Variants in EIF3H observed in about 807,000 individuals in gnomAD.
The protein encoded by EIF3H is eukaryotic translation initiation factor 3 subunit H.
EIF3H carries 26 observed loss-of-function variants against 44.2 expected under a neutral mutation model. That is an observed-to-expected ratio of 0.59 (90% CI 0.43 to 0.82). The LOEUF (loss-of-function observed/expected upper bound fraction) is 0.82, where lower values mean the gene tolerates loss of function less well. Among genes scored for constraint, EIF3H ranks in the 40% least tolerant of loss-of-function variants. The probability of loss-of-function intolerance (pLI) is 0.00; values close to 1 mark genes in which losing one functional copy is unlikely to be tolerated. For missense variants in EIF3H, 359 were observed against 432.8 expected, an observed-to-expected ratio of 0.83 and a Z score of 1.51; for synonymous variants, 166 against 151.9, an observed-to-expected ratio of 1.09 and a Z score of -0.68.
intron 1 of EIF3H, among the ~76,000 whole-genome samples, chr8:116,743,800 ACACACACACACACACAC>A (rs1815180593): frequency 1.2e-4 from 5 of 42,776 alleles, no homozygotes; most frequent in Non-Finnish European, 2.1e-4. Context: ...ATATATATAA[ACACACACACACACACAC>A]ACACACACAC....
chr8:116,696,784 G>A (rs1250410017), intron 2 of EIF3H, among the ~76,000 whole-genome samples: 12 of 151,912 alleles, frequency 7.9e-5, no homozygotes, highest in East Asian at 7.7e-4. Context: ...TAGTCTTCTC[G>A]AGGAATAAAA....
chr8:116,707,991 T>G (rs10505285), intron 2 of EIF3H, among the ~76,000 whole-genome samples: 7,931 of 152,192 alleles, frequency 0.052, 690 homozygotes, highest in African/African-American at 0.18. Context: ...TTTCTAAAAC[T>G]TTAAGTACAG....
intron 4 of EIF3H, 120 bp from the exon 5 acceptor site, chr8:116,656,125 T>C: frequency 1.7e-6 from 1 of 592,498 alleles, no homozygotes; most frequent in Non-Finnish European, 2.6e-6. Flanking sequence ...TTAGCACTCT[T>C]AAAAAAAAAA....
chr8:116,732,071 T>C (rs1017260288), intron 1 of EIF3H, among the ~76,000 whole-genome samples: 3 of 152,198 alleles, frequency 2.0e-5, no homozygotes, highest in African/African-American at 7.2e-5. Flanking sequence ...ACCTGCAAGA[T>C]AGTAAACAGA....
intron 2 of EIF3H, among the ~76,000 whole-genome samples, chr8:116,707,781 AACT>A (rs1331967432): frequency 1.3e-5 from 2 of 152,174 alleles, no homozygotes; most frequent in Non-Finnish European, 2.9e-5. Context: ...AATGATTCAC[AACT>A]ACTTCAAATC....
At chr8:116,677,365 G>GA (rs1813867400) in intron 2 of EIF3H, among the ~76,000 whole-genome samples, 3 of 151,870 alleles carry the variant, frequency 2.0e-5, no homozygotes, top group Middle Eastern at 3.4e-3. Flanking sequence ...ATGTGCAATT[G>GA]AAAAAAAACT....
intron 2 of EIF3H, among the ~76,000 whole-genome samples, chr8:116,710,414 T>G (rs1445620987): frequency 6.6e-6 from 1 of 152,190 alleles, no homozygotes; most frequent in Non-Finnish European, 1.5e-5. Flanking sequence ...TGTAGCAAAA[T>G]AGTAGAGGCT....
chr8:116,697,104 C>T (rs760563709), intron 2 of EIF3H: 57 of 456,258 alleles, frequency 1.2e-4, no homozygotes, highest in Admixed American at 5.4e-4. Context: ...ACCCAGCTGT[C>T]CCTGGTGAAT....
intron 2 of EIF3H, among the ~76,000 whole-genome samples, chr8:116,692,154 T>A (rs1217466787): frequency 6.6e-6 from 1 of 152,160 alleles, no homozygotes; most frequent in Non-Finnish European, 1.5e-5. Context: ...CTGAACTAAA[T>A]CTAACAGACT....
At chr8:116,742,898 T>G (rs1586489062) in intron 1 of EIF3H, among the ~76,000 whole-genome samples, 1 of 152,238 alleles carries the variant, frequency 6.6e-6, no homozygotes, top group East Asian at 1.9e-4. Flanking sequence ...TTTAAACAGG[T>G]TTAATAAATT....
intron 2 of EIF3H, among the ~76,000 whole-genome samples, chr8:116,670,243 C>A (rs1813730495): frequency 6.6e-6 from 1 of 152,174 alleles, no homozygotes; most frequent in East Asian, 1.9e-4. Flanking sequence ...GGAGAACAAA[C>A]CAAATGTGCT....
At chr8:116,683,550 T>C (rs535711821) in intron 2 of EIF3H, among the ~76,000 whole-genome samples, 2 of 152,250 alleles carry the variant, frequency 1.3e-5, no homozygotes, top group African/African-American at 2.4e-5. Context: ...GTAAGAATTT[T>C]AGAGGAATGT....
At chr8:116,745,622 G>C (rs1011214094) in intron 1 of EIF3H, among the ~76,000 whole-genome samples, 1 of 152,152 alleles carries the variant, frequency 6.6e-6, no homozygotes, top group Non-Finnish European at 1.5e-5. Context: ...TCCAAATCTT[G>C]GGAGGAACAT....
At chr8:116,756,015 A>AT (rs1275674461), upstream of EIF3H, 16 of 1,535,720 alleles carry the variant, frequency 1.0e-5, no homozygotes, top group Admixed American at 2.0e-4. Flanking sequence ...TTCCGATGGA[A>AT]TGATCTAAGA....
At chr8:116,764,731 C>T (rs889223311) in intron 1 of EIF3H, among the ~76,000 whole-genome samples, 20 of 152,186 alleles carry the variant, frequency 1.3e-4, no homozygotes, top group African/African-American at 4.8e-4. Flanking sequence ...TTTGCCCAGG[C>T]TGGTTTCCAA....
chr8:116,653,497 C>A (rs898372695), intron 5 of EIF3H, among the ~76,000 whole-genome samples: 5 of 152,100 alleles, frequency 3.3e-5, no homozygotes, highest in Admixed American at 3.3e-4. Context: ...GAAACAGGGA[C>A]TTATTGTTAG....
At chr8:116,645,233 T>C (rs903412935) in intron 7 of EIF3H, 130 bp from the exon 8 acceptor site, 2 of 678,150 alleles carry the variant, frequency 2.9e-6, no homozygotes, top group African/African-American at 3.6e-5. Context: ...AGAGTTTATT[T>C]TTCCATAAGG....
In EIF3H at chr8:116,736,941, T is replaced by A. The variant is rs186639091; in HGVS notation, c.133-10769A>T. Among the ~76,000 whole-genome samples, 4 of 152,322 alleles carry A rather than the reference T, an allele frequency of 2.6e-5. No individual in the cohort carries two copies. The East Asian group carries it at 7.7e-4, about 29-fold the overall frequency. ...AAAATAAATTAAATTGTATTATTGT[T>A]GAAGACAAAGTATACTGCTTAGAAT... On this transcript the variant is annotated intron_variant, in intron 1 of 7. Transcript: ENST00000521861.
chr8:116,709,774 C>T lies in EIF3H; in HGVS notation c.289+16242G>A, dbSNP rs967431104. Among the ~76,000 whole-genome samples the T allele has an allele frequency of 3.9e-5, 6 of 152,282 alleles. 1 individual carries two copies. In the South Asian group the frequency reaches 1.2e-3, roughly 32 times the overall value. On this transcript the variant is annotated intron_variant, in intron 2 of 7. Coordinates refer to ENST00000521861, the MANE Select transcript of EIF3H (RefSeq NM_003756.3). ...AAAAATGCTAGGATTATTAAATCTA[C>T]CTCAACATTGTGCCAAACACTGAAG... is the stretch of plus-strand genomic sequence containing the variant.
Sources: allele counts gnomAD v4.1 joint callset (sites outside exome capture counted in the v4.1 genomes callset), GRCh38; gene constraint gnomAD v4.1.1; transcripts MANE v1.5; gene names NCBI Gene and HGNC (gene_info 2026-07-23, HGNC 2026-07-21).